The following CDH3 variants were observed in gnomAD, a reference collection of about 807,000 sequenced individuals.
CDH3 encodes cadherin-3.
CDH3 carries 54 observed loss-of-function variants against 82.0 expected under a neutral mutation model. The ratio of observed to expected loss-of-function variants is 0.66; its 90% CI spans 0.53 to 0.83. The LOEUF (loss-of-function observed/expected upper bound fraction) is 0.83. Ranked by LOEUF, CDH3 falls within the 40% of genes least tolerant of loss-of-function variation. The pLI is 0.00. For missense variants in CDH3, 1,054 were observed against 1,084.6 expected, an observed-to-expected ratio of 0.97 and a Z score of 0.40; for synonymous variants, 446 against 437.9, an observed-to-expected ratio of 1.02 and a Z score of -0.23.
At chr16:68,719,722 A>G (rs924547519) in intron 1 of CDH3, among the ~76,000 whole-genome samples, 2 of 151,804 alleles carry the variant, frequency 1.3e-5, no homozygotes, top group African/African-American at 4.8e-5. Flanking sequence ...GCTGATCTCA[A>G]ACTCCTGACC....
chr16:68,653,971 C>T (rs1220932610), intron 2 of CDH3, among the ~76,000 whole-genome samples: 1 of 152,018 alleles, frequency 6.6e-6, no homozygotes, highest in Admixed American at 6.6e-5. Context: ...CCCACCTCGG[C>T]CTCCCAAAGT....
chr16:68,655,512 A>G (rs1039883488), intron 2 of CDH3, among the ~76,000 whole-genome samples: 2 of 152,212 alleles, frequency 1.3e-5, no homozygotes, highest in East Asian at 1.9e-4. Context: ...CTGCTAGTAT[A>G]GAGGGACAGA....
At chr16:68,679,611 C>T (rs751022694) in intron 6 of CDH3, among the ~76,000 whole-genome samples, 188 bp from the exon 7 acceptor site, 2 of 135,280 alleles carry the variant, frequency 1.5e-5, no homozygotes, top group African/African-American at 2.8e-5. Flanking sequence ...AGGAGAATCA[C>T]TTGAACCCAG....
chr16:68,716,816 C>A (rs112151402), intron 1 of CDH3, among the ~76,000 whole-genome samples: 1 of 151,600 alleles, frequency 6.6e-6, no homozygotes, highest in African/African-American at 2.4e-5. Flanking sequence ...CTCAACCTCC[C>A]GGGCTCAAGT....
chr16:68,700,770 CAT>C (rs1961882335), downstream of CDH3, among the ~76,000 whole-genome samples: 1 of 152,202 alleles, frequency 6.6e-6, no homozygotes, highest in South Asian at 2.1e-4. Flanking sequence ...ACAAGAATCT[CAT>C]GAATCCGGGA....
intron 11 of CDH3, among the ~76,000 whole-genome samples, chr16:68,685,827 CTG>C (rs1213391265): frequency 7.9e-5 from 12 of 152,114 alleles, no homozygotes; most frequent in African/African-American, 2.9e-4. Flanking sequence ...CAACAAAAGA[CTG>C]ATCCTAGGGA....
At chr16:68,731,391 A>ATATATAT (rs1182933300), downstream of CDH3, among the ~76,000 whole-genome samples, 2 of 7,346 alleles carry the variant, frequency 2.7e-4, no homozygotes, top group African/African-American at 1.3e-3. Flanking sequence ...AAAAAAAAAA[A>ATATATAT]AAAAATATAT....
At chr16:68,685,037 C>T (rs775004439) in intron 10 of CDH3, among the ~76,000 whole-genome samples, 168 bp from the exon 11 acceptor site, 1 of 152,168 alleles carries the variant, frequency 6.6e-6, no homozygotes, top group Non-Finnish European at 1.5e-5. Flanking sequence ...CCTCCTGGGA[C>T]TCCTGCACCT....
chr16:68,717,544 G>A (rs1341425096), intron 1 of CDH3, among the ~76,000 whole-genome samples: 6 of 152,138 alleles, frequency 3.9e-5, no homozygotes, highest in African/African-American at 1.2e-4. Context: ...AGGCCGAGGC[G>A]GGCAGATCAC....
At chr16:68,679,733 A>C in intron 6 of CDH3, 66 bp from the exon 7 acceptor site, 1 of 879,168 alleles carries the variant, frequency 1.1e-6, no homozygotes, top group Non-Finnish European at 1.8e-6. Flanking sequence ...AGAAAAAAAG[A>C]GTTCCAGAAG....
chr16:68,658,062 CT>C (rs113679101), intron 2 of CDH3, among the ~76,000 whole-genome samples: 26,055 of 126,100 alleles, frequency 0.21, 2,584 homozygotes, highest in African/African-American at 0.26. Context: ...CTTTTTCTTT[CT>C]TTTTTTTTTT....
Position 68,681,110 on chromosome 16 carries a change from C to T in CDH3, c.996+14C>T. 6.2e-7 allele frequency: 1 copy of T among 1,613,654 alleles called. No homozygotes were observed. On this transcript the variant is annotated intron_variant, in intron 8 of 15. Coordinates refer to ENST00000264012, the MANE Select transcript of CDH3 (RefSeq NM_001793.6). ...GACCCCCAGAAGGTAATGCCCCTTC[C>T]TCACTCAGTCCCTCATCAGATAATG...
rs535174122 is a variant in CDH3, at chr16:68,698,329, G to A, written c.2419G>A (p.Asp807Asn). 44 of 1,614,212 alleles carry A rather than the reference G, an allele frequency of 2.7e-5. No individual in the cohort carries two copies. In the East Asian group the frequency reaches 7.1e-4, roughly 26 times the overall value. ...SSASDQDQDY[D>N]YLNEWGSRFK... ...CGCCTCCGACCAAGACCAAGATTAC[G>A]ATTATCTGAACGAGTGGGGCAGCCG... is the stretch of plus-strand genomic sequence containing the variant. The change falls in exon 16 of 16, where the codon GAT becomes AAT. Residue 807 changes from aspartate to asparagine, a missense_variant. Transcript: ENST00000264012.
chr16:68,656,218 C>A (rs995190247), intron 2 of CDH3, among the ~76,000 whole-genome samples: 5 of 152,130 alleles, frequency 3.3e-5, no homozygotes, highest in Non-Finnish European at 1.5e-5. Context: ...AGTATGGAGA[C>A]AATGGCTGAA....
chr16:68,680,879 C>T (rs2152101050), intron 7 of CDH3, 89 bp from the exon 8 acceptor site: 1 of 1,443,508 alleles, frequency 6.9e-7, no homozygotes, highest in Non-Finnish European at 9.7e-7. Context: ...TCTCCATCCA[C>T]ACACCCATGA....
intron 11 of CDH3, among the ~76,000 whole-genome samples, chr16:68,685,950 G>C (rs943870634): frequency 2.0e-5 from 3 of 152,228 alleles, no homozygotes; most frequent in African/African-American, 7.2e-5. Context: ...AGGATCACTT[G>C]AGCCCAGGAG....
At chr16:68,710,197 T>C (rs6499194) in intron 1 of CDH3, among the ~76,000 whole-genome samples, 84,722 of 152,072 alleles carry the variant, frequency 0.56, 23,940 homozygotes, top group Middle Eastern at 0.62. Flanking sequence ...CTCTGCACCC[T>C]CTATGGCCAC....
At chr16:68,730,889 G>A (rs1208403283), downstream of CDH3, among the ~76,000 whole-genome samples, 1 of 148,670 alleles carries the variant, frequency 6.7e-6, no homozygotes, top group Non-Finnish European at 1.5e-5. Context: ...GTGTGGTGGT[G>A]CATGCCTGTA....
chr16:68,657,150 G>C (rs564681526), intron 2 of CDH3, among the ~76,000 whole-genome samples: 8 of 152,272 alleles, frequency 5.3e-5, no homozygotes, highest in African/African-American at 1.9e-4. Context: ...AGCTGCCTCT[G>C]TCTGCTGGAC....
Sources: allele counts gnomAD v4.1 joint callset (sites outside exome capture counted in the v4.1 genomes callset), GRCh38; gene constraint gnomAD v4.1.1; transcripts MANE v1.5; gene names NCBI Gene and HGNC (gene_info 2026-07-23, HGNC 2026-07-21).